The following SH3BP4 variants were observed in gnomAD, a reference collection of about 807,000 sequenced individuals.
The protein encoded by SH3BP4 is SH3 domain binding protein 4, also known as SH3 domain-binding protein 4.
A neutral mutation model predicts 65.5 loss-of-function variants in SH3BP4; 33 were observed. The observed-to-expected ratio is 0.50, with a 90% CI of 0.38 to 0.67. The LOEUF is 0.67. Among genes scored for constraint, SH3BP4 ranks in the 30% least tolerant of loss-of-function variants. SH3BP4 has a pLI of 0.00. For missense variants in SH3BP4, 1,134 were observed against 1,261.4 expected (o/e 0.90, Z 1.53); for synonymous variants, 552 against 545.5 (o/e 1.01, Z -0.17).
chr2:234,990,305 ATGC>A (rs1693709064), intron 1 of SH3BP4, among the ~76,000 whole-genome samples: 1 of 152,144 alleles, frequency 6.6e-6, no homozygotes, highest in African/African-American at 2.4e-5. Flanking sequence ...GCTGTCGGGG[ATGC>A]AGGCTGTAGA....
At chr2:234,961,727 T>C (rs1692719547) in intron 1 of SH3BP4, among the ~76,000 whole-genome samples, 1 of 152,172 alleles carries the variant, frequency 6.6e-6, no homozygotes, top group South Asian at 2.1e-4. Context: ...GTGTAAGGGT[T>C]TGATATTCTT....
At chr2:234,970,048 C>T (rs960994861) in intron 1 of SH3BP4, among the ~76,000 whole-genome samples, 8 of 135,248 alleles carry the variant, frequency 5.9e-5, no homozygotes, top group African/African-American at 1.6e-4. Context: ...TACACTTACT[C>T]ACACACACTC....
At position 234,957,522 on chromosome 2, in the gene SH3BP4, G is replaced by T. The variant is rs557146695; in HGVS notation, c.-207+5352G>T. Among the ~76,000 whole-genome samples the T allele has an allele frequency of 4.6e-5, 7 of 151,510 alleles. No individual in the cohort carries two copies. In the East Asian group the frequency reaches 1.4e-3, roughly 30 times the overall value. ...CTTGGTCCATGTCTGCCTAGGAGCA[G>T]TACTGAAAAAGGATTTGGGTACTAC... On this transcript the variant is annotated intron_variant, in intron 1 of 5. Coordinates refer to ENST00000392011, the MANE Select transcript of SH3BP4 (RefSeq NM_014521.3).
intron 2 of SH3BP4, among the ~76,000 whole-genome samples, chr2:235,000,949 G>A (rs1694078758): frequency 6.6e-6 from 1 of 152,210 alleles, no homozygotes; most frequent in African/African-American, 2.4e-5. Flanking sequence ...AGGCAGCTCT[G>A]GACTTTGCTC....
intron 2 of SH3BP4, among the ~76,000 whole-genome samples, chr2:235,020,401 G>T (rs1019964161): frequency 2.6e-5 from 4 of 152,154 alleles, no homozygotes; most frequent in Non-Finnish European, 4.4e-5. Context: ...GGAGACAGGG[G>T]CAGGAGAATT....
rs1695503749 is a variant in SH3BP4 at position 235,038,367 on chromosome 2, A to ATATATTTTT, written c.119-2516_119-2515insTTTTTATAT. On this transcript the variant is annotated intron_variant, in intron 3 of 5. Coordinates refer to ENST00000392011, the MANE Select transcript of SH3BP4 (RefSeq NM_014521.3). ...TATATATTTTATATATATATATATA[A>ATATATTTTT]TATATATACATATATATATATATAT... 1.2e-3 allele frequency among the ~76,000 whole-genome samples: 11 copies of ATATATTTTT among 9,306 alleles called. 1 individual carries two copies. The South Asian group carries it at 0.027, about 23-fold the overall frequency. 6.1% of individuals were successfully genotyped at this position (9,306 alleles called of 152,430 possible). A position where few individuals can be genotyped will look rare whatever the true frequency, so the allele number is the denominator to read the frequency against.
intron 2 of SH3BP4, among the ~76,000 whole-genome samples, chr2:235,005,509 G>A (rs1187635678): frequency 6.6e-6 from 1 of 152,082 alleles, no homozygotes. Flanking sequence ...CTTGAGTGAT[G>A]TCTCAGCCCT....
At chr2:235,011,459 A>T (rs79055442) in intron 2 of SH3BP4, among the ~76,000 whole-genome samples, 20 of 152,346 alleles carry the variant, frequency 1.3e-4, no homozygotes, top group African/African-American at 4.6e-4. Context: ...CAAAGACTGT[A>T]TTTCCAAATA....
In SH3BP4 at chr2:235,017,045, CTT is replaced by C. The variant is rs995197698; in HGVS notation, c.-132-17803_-132-17802del. Among the ~76,000 whole-genome samples the C allele has an allele frequency of 2.3e-3, 207 of 88,424 alleles. 3 individuals are homozygous for C. The South Asian group carries it at 0.025, about 11-fold the overall frequency. 58.0% of individuals were successfully genotyped at this position (88,424 alleles called of 152,430 possible). The stretch of plus-strand genomic sequence containing the variant: ...CGGCAGCGAGTTTCTGTTTGCCTTT[CTT>C]TTTTTTTTTTTTTTTTTTTTTTGGT... On this transcript the variant is annotated intron_variant, in intron 2 of 5. Transcript: ENST00000392011.
intron 2 of SH3BP4, among the ~76,000 whole-genome samples, chr2:235,017,055 T>C (rs964182373): frequency 1.3e-5 from 2 of 149,554 alleles, no homozygotes; most frequent in African/African-American, 2.5e-5. Flanking sequence ...CTTTTTTTTT[T>C]TTTTTTTTTT....
At chr2:234,960,198 T>C (rs1262229834) in intron 1 of SH3BP4, among the ~76,000 whole-genome samples, 1 of 152,258 alleles carries the variant, frequency 6.6e-6, no homozygotes, top group African/African-American at 2.4e-5. Flanking sequence ...GCCCAGGGCC[T>C]ATGCCCCATT....
In SH3BP4 at chr2:235,042,191, C is replaced by T; in HGVS notation, c.1422C>T (p.Val474=). 1 of 1,614,090 alleles carries T rather than the reference C, an allele frequency of 6.2e-7. No homozygotes were observed. The highest frequency in any genetic ancestry group is 8.5e-7 in the Non-Finnish European group (1 of 1,180,024). Residue 474 remains valine, a synonymous_variant, in exon 4 of 6, where the codon GTC becomes GTT. Coordinates refer to ENST00000392011, the MANE Select transcript of SH3BP4 (RefSeq NM_014521.3). The surrounding 1 kb of genome is among the most constrained non-coding windows in gnomAD (Gnocchi z 7.3). The part of the protein sequence containing the change: ...STVWDFINKK[V]TVGLYGPKHI... Reference sequence around the variant, plus strand: ...TGTGGGACTTCATCAATAAAAAAGTCACAGTGGGTCTCTACGGCCCTAAAC... The same window carrying T: ...TGTGGGACTTCATCAATAAAAAAGTTACAGTGGGTCTCTACGGCCCTAAAC...
intron 2 of SH3BP4, among the ~76,000 whole-genome samples, chr2:235,003,487 G>C (rs893042421): frequency 6.6e-6 from 1 of 152,226 alleles, no homozygotes; most frequent in African/African-American, 2.4e-5. Context: ...TCTGTTTACT[G>C]TTTTATCTGC....
Position 235,035,536 on chromosome 2 carries a change from C to T in SH3BP4, c.118+416C>T, listed in dbSNP as rs1324306206. 1.3e-5 allele frequency among the ~76,000 whole-genome samples: 2 copies of T among 152,208 alleles called. No individual in the cohort carries two copies. The highest frequency in any genetic ancestry group is 2.9e-5 in the Non-Finnish European group (2 of 68,052). ...CTGATGGGAAATATTTGAAGCTTTG[C>T]AGGCCGTATACCATCTCTGTCACAA... On this transcript the variant is annotated intron_variant, in intron 3 of 5. Transcript: ENST00000392011. This position sits in a 1 kb window ranked among gnomAD's most constrained non-coding sequence, Gnocchi z 5.0.
chr2:234,999,713 C>A (rs1694038361), intron 2 of SH3BP4, among the ~76,000 whole-genome samples: 1 of 152,186 alleles, frequency 6.6e-6, no homozygotes, highest in African/African-American at 2.4e-5. Flanking sequence ...ATCTAAGACA[C>A]CCTCAGACTT....
rs1437829862 is a variant in SH3BP4, at chr2:235,030,872, C to T, written c.-132-3999C>T. On this transcript the variant is annotated intron_variant, in intron 2 of 5. Transcript: ENST00000392011. This position sits in a 1 kb window ranked among gnomAD's most constrained non-coding sequence, Gnocchi z 4.1. ...TGGAGAGCCCTCTGCACTCAGTCCACACCAGGGCTGGCTGCCCTCTTTCTG... is the reference window on the plus strand; with the variant it reads ...TGGAGAGCCCTCTGCACTCAGTCCATACCAGGGCTGGCTGCCCTCTTTCTG... Among the ~76,000 whole-genome samples the T allele has an allele frequency of 6.6e-6, 1 of 152,212 alleles. No individual in the cohort carries two copies. Among genetic ancestry groups the T allele is most frequent in the Non-Finnish European group, 1.5e-5 (1 of 68,036 alleles).
rs750349631 is a variant in SH3BP4 at position 234,997,938 on chromosome 2, C to T, written c.-133+2562C>T. ...GAGATCAAGACCATCCTGTCTAACACGGTGAAACCCTGTCTCTACTAAAAA... is the reference window on the plus strand; with the variant it reads ...GAGATCAAGACCATCCTGTCTAACATGGTGAAACCCTGTCTCTACTAAAAA... On this transcript the variant is annotated intron_variant, in intron 2 of 5. Transcript: ENST00000392011. The surrounding 1 kb of genome is among the most constrained non-coding windows in gnomAD (Gnocchi z 4.2). Among the ~76,000 whole-genome samples, 2 of 151,968 alleles carry T rather than the reference C, an allele frequency of 1.3e-5. No individual in the cohort carries two copies. Among genetic ancestry groups the T allele is most frequent in the South Asian group, 2.1e-4 (1 of 4,808 alleles).
intron 4 of SH3BP4, among the ~76,000 whole-genome samples, chr2:235,051,168 G>A (rs1414241864): frequency 6.6e-6 from 1 of 152,202 alleles, no homozygotes; most frequent in African/African-American, 2.4e-5. Flanking sequence ...ACGTCATCCT[G>A]ACTGGCTCAG....
chr2:234,972,581 G>T (rs1175229702), intron 1 of SH3BP4, among the ~76,000 whole-genome samples: 1 of 152,060 alleles, frequency 6.6e-6, no homozygotes, highest in Non-Finnish European at 1.5e-5. Flanking sequence ...CAAAAAATTA[G>T]CTGGGCATGG....
Sources: allele counts gnomAD v4.1 joint callset (sites outside exome capture counted in the v4.1 genomes callset), GRCh38; gene constraint gnomAD v4.1.1; non-coding constraint Gnocchi (gnomAD v3.1); transcripts MANE v1.5; gene names NCBI Gene and HGNC (gene_info 2026-07-23, HGNC 2026-07-21).